The following LRRTM4 variants were observed in gnomAD, a reference collection of about 807,000 sequenced individuals.
LRRTM4 encodes the protein leucine rich repeat transmembrane neuronal 4.
LRRTM4 carries 25 observed loss-of-function variants against 47.6 expected under a neutral mutation model. The observed-to-expected ratio is 0.53, with a 90% CI of 0.38 to 0.73. The LOEUF (loss-of-function observed/expected upper bound fraction) is 0.73. Ranked by LOEUF, LRRTM4 falls within the 30% of genes least tolerant of loss-of-function variation. The pLI is 0.00. For missense variants in LRRTM4, 638 were observed against 713.4 expected, an observed-to-expected ratio of 0.89 and a Z score of 1.20; for synonymous variants, 311 against 269.5, an observed-to-expected ratio of 1.15 and a Z score of -1.51.
intron 3 of LRRTM4, among the ~76,000 whole-genome samples, chr2:77,178,652 A>T (rs1673266860): frequency 1.3e-5 from 2 of 152,070 alleles, no homozygotes; most frequent in South Asian, 2.1e-4. Context: ...TCCCTATTTC[A>T]TATATTCTTT....
At position 77,051,114 on chromosome 2, in the gene LRRTM4, A is replaced by G. The variant is rs1679418003; in HGVS notation, c.1552-302198T>C. ...ATGGGATATTTGGTAATGTCTGCAGATATTTTTGATAGTTAGGATATGGAG... is the reference window on the plus strand; with the variant it reads ...ATGGGATATTTGGTAATGTCTGCAGGTATTTTTGATAGTTAGGATATGGAG... On this transcript the variant is annotated intron_variant, in intron 3 of 3. Transcript: ENST00000409884. Among the ~76,000 whole-genome samples the G allele has an allele frequency of 2.0e-5, 3 of 151,778 alleles. No individual in the cohort carries two copies. In the South Asian group the frequency reaches 6.2e-4, roughly 32 times the overall value.
intron 3 of LRRTM4, among the ~76,000 whole-genome samples, chr2:77,362,162 A>AAGGAAGGAAGGAAGGAAGG (rs1553434441): frequency 2.4e-4 from 27 of 112,874 alleles, no homozygotes; most frequent in African/African-American, 1.2e-3. Flanking sequence ...AGAAAGAAAG[A>AAGGAAGGAAGGAAGGAAGG]AAGAAAGAAA....
intron 3 of LRRTM4, among the ~76,000 whole-genome samples, chr2:77,403,702 C>G (rs1243608529): frequency 1.3e-5 from 2 of 151,716 alleles, no homozygotes; most frequent in Non-Finnish European, 2.9e-5. Context: ...AAACCTTGCT[C>G]TATATCCACT....
intron 3 of LRRTM4, among the ~76,000 whole-genome samples, chr2:77,129,746 G>T (rs912018778): frequency 6.6e-6 from 1 of 152,176 alleles, no homozygotes; most frequent in Non-Finnish European, 1.5e-5. Context: ...TTCAGACCCA[G>T]ATGGTGTGTT....
intron 3 of LRRTM4, among the ~76,000 whole-genome samples, chr2:77,239,978 C>G (rs1009271186): frequency 6.6e-6 from 1 of 151,740 alleles, no homozygotes; most frequent in Non-Finnish European, 1.5e-5. Context: ...TCAGAATACA[C>G]AGTTTTTTCA....
intron 3 of LRRTM4, among the ~76,000 whole-genome samples, chr2:76,861,016 T>C (rs1672296410): frequency 6.6e-6 from 1 of 152,118 alleles, no homozygotes; most frequent in Admixed American, 6.6e-5. Flanking sequence ...ATCCAGTTTT[T>C]CTAGAGGTGA....
chr2:77,279,735 A>G (rs78512912), intron 3 of LRRTM4, among the ~76,000 whole-genome samples: 1 of 151,974 alleles, frequency 6.6e-6, no homozygotes, highest in African/African-American at 2.4e-5. Flanking sequence ...CTGTCACTCA[A>G]CTTCAACAAT....
chr2:77,374,352 T>C (rs1285729465), intron 3 of LRRTM4, among the ~76,000 whole-genome samples: 1 of 151,840 alleles, frequency 6.6e-6, no homozygotes, highest in Non-Finnish European at 1.5e-5. Context: ...TTTCTCTCCA[T>C]ATTTCACAAA....
chr2:77,112,584 T>A (rs1671279497), intron 3 of LRRTM4, among the ~76,000 whole-genome samples: 1 of 146,414 alleles, frequency 6.8e-6, no homozygotes, highest in Non-Finnish European at 1.5e-5. Flanking sequence ...TTATGAAAGG[T>A]TTAAGCAAGG....
chr2:77,293,017 A>C (rs978393368), intron 3 of LRRTM4, among the ~76,000 whole-genome samples: 63 of 152,076 alleles, frequency 4.1e-4, no homozygotes, highest in African/African-American at 1.4e-3. Flanking sequence ...ATATTGTGTC[A>C]AGAGGAAATT....
At chr2:76,949,088 TG>T (rs1675417095) in intron 3 of LRRTM4, among the ~76,000 whole-genome samples, 1 of 145,530 alleles carries the variant, frequency 6.9e-6, no homozygotes, top group African/African-American at 2.7e-5. Context: ...TAGAGTGCTT[TG>T]GGGAAAATAA....
intron 3 of LRRTM4, among the ~76,000 whole-genome samples, chr2:76,970,777 T>C (rs1676191776): frequency 6.6e-6 from 1 of 152,032 alleles, no homozygotes; most frequent in African/African-American, 2.4e-5. Context: ...GATTGGAAGG[T>C]GTTTCGTGAC....
intron 3 of LRRTM4, among the ~76,000 whole-genome samples, chr2:77,059,050 A>G (rs902682107): frequency 3.3e-5 from 5 of 152,126 alleles, no homozygotes; most frequent in African/African-American, 7.2e-5. Context: ...TTTTGAAAAC[A>G]AAGTCTTTTT....
chr2:76,797,752 A>G (rs184956825), intron 3 of LRRTM4, among the ~76,000 whole-genome samples: 15,772 of 149,376 alleles, frequency 0.11, 983 homozygotes, highest in Non-Finnish European at 0.14. Flanking sequence ...ATAGGCTCAA[A>G]ATAAAAGGAT....
chr2:77,518,990 T>C lies in LRRTM4; in HGVS notation c.879A>G (p.Ser293=), dbSNP rs1679358054. The C allele has an allele frequency of 6.2e-7, 1 of 1,603,058 alleles. No individual in the cohort carries two copies. The highest frequency in any genetic ancestry group is 8.5e-7 in the Non-Finnish European group (1 of 1,170,886). ...ATATCCACGCATTGACAGTTTCCTG[T>C]GAGATATTGGTGAGCTTGTTGGAAT... is the stretch of plus-strand genomic sequence containing the variant. The part of the protein sequence containing the change: ...NLDSNKLTNI[S]QETVNAWISL... Residue 293 remains serine (S), a synonymous_variant, in exon 3 of 4, where the codon TCA becomes TCG. Transcript: ENST00000409884.
rs140385230 is a variant in LRRTM4 at position 77,228,800 on chromosome 2, C to T, written c.1551+289518G>A. Among the ~76,000 whole-genome samples the T allele has an allele frequency of 7.6e-3, 1,150 of 152,210 alleles. 3 individuals are homozygous for T. Among genetic ancestry groups the T allele is most frequent in the Non-Finnish European group, 0.011 (753 of 68,004 alleles). On this transcript the variant is annotated intron_variant, in intron 3 of 3. Transcript: ENST00000409884. ...AAAATTTCAAAGCCAAGAATCAGAC[C>T]GCTTCACATGGTATATAATATTCAC...
At chr2:76,818,123 G>A (rs1037656696) in intron 3 of LRRTM4, among the ~76,000 whole-genome samples, 4 of 151,824 alleles carry the variant, frequency 2.6e-5, no homozygotes, top group East Asian at 1.9e-4. Context: ...TGAATTAGTC[G>A]TTGTAATATA....
At chr2:76,872,981 CA>C (rs1469362329) in intron 3 of LRRTM4, among the ~76,000 whole-genome samples, 1 of 152,046 alleles carries the variant, frequency 6.6e-6, no homozygotes, top group Non-Finnish European at 1.5e-5. Flanking sequence ...AGGCCCCCAG[CA>C]AAAGCAGATA....
rs3084674 is a variant in LRRTM4 at position 77,309,681 on chromosome 2, TGATAGATAGATAGATAGATA to T, written c.1551+208617_1551+208636del. Among the ~76,000 whole-genome samples, 33 of 147,324 alleles carry T rather than the reference TGATAGATAGATAGATAGATA, an allele frequency of 2.2e-4. 1 individual carries two copies. Among genetic ancestry groups the T allele is most frequent in the East Asian group, 4.1e-4 (2 of 4,902 alleles). On this transcript the variant is annotated intron_variant, in intron 3 of 3. Transcript: ENST00000409884. ...CCAGAAGTTTAGATAGATAGACAGA[TGATAGATAGATAGATAGATA>T]GATAGATAGATAGATAGATAGATAG...
Sources: gnomAD v4.1 joint callset for allele counts (sites outside exome capture counted in the v4.1 genomes callset) on GRCh38, gnomAD v4.1.1 for gene constraint, MANE v1.5 for transcripts, NCBI Gene and HGNC (gene_info 2026-07-23, HGNC 2026-07-21) for gene names.